DPP10: variants seen among roughly 807,000 people sequenced by gnomAD.
The protein encoded by DPP10 is dipeptidyl peptidase like 10, also known as inactive dipeptidyl peptidase 10.
In DPP10, 33 loss-of-function variants were observed where a neutral mutation model predicts 120.9. The ratio of observed to expected loss-of-function variants is 0.27; its 90% CI spans 0.21 to 0.37. DPP10 has a LOEUF of 0.37. DPP10 is among the 10% of genes least tolerant of loss of function. The probability of loss-of-function intolerance (pLI) is 1.00; values close to 1 mark genes in which losing one functional copy is unlikely to be tolerated. For missense variants in DPP10, 816 were observed against 942.8 expected (o/e 0.87, Z 1.76); for synonymous variants, 337 against 326.1 (o/e 1.03, Z -0.36).
At chr2:115,639,032 G>T (rs2086573760) in intron 5 of DPP10, among the ~76,000 whole-genome samples, 1 of 152,104 alleles carries the variant, frequency 6.6e-6, no homozygotes. Context: ...GTCTTTGGTG[G>T]CCACTACCAC....
intron 5 of DPP10, among the ~76,000 whole-genome samples, chr2:115,556,473 C>T (rs2080223458): frequency 6.7e-6 from 1 of 149,904 alleles, no homozygotes; most frequent in Admixed American, 6.8e-5. Flanking sequence ...AAATATTGGA[C>T]ATCCCTGGCC....
intron 1 of DPP10, among the ~76,000 whole-genome samples, chr2:114,730,178 G>A (rs760080481): frequency 6.6e-6 from 1 of 151,922 alleles, no homozygotes; most frequent in Non-Finnish European, 1.5e-5. Context: ...CACTTAAAAA[G>A]CATAAAGACT....
chr2:114,641,171 C>T (rs1490637609), intron 1 of DPP10, among the ~76,000 whole-genome samples: 1 of 151,952 alleles, frequency 6.6e-6, no homozygotes, highest in South Asian at 2.1e-4. Flanking sequence ...AAACATTTTT[C>T]TAAGTTCTTA....
chr2:115,027,134 T>C (rs1703520469), intron 1 of DPP10, among the ~76,000 whole-genome samples: 1 of 152,214 alleles, frequency 6.6e-6, no homozygotes, highest in Non-Finnish European at 1.5e-5. Context: ...TTGCTTTTTG[T>C]TGGCGTATAG....
At position 115,624,638 on chromosome 2, in the gene DPP10, A is replaced by G. The variant is rs1379510705; in HGVS notation, c.442-65049A>G. Among the ~76,000 whole-genome samples, 3 of 152,236 alleles carry G rather than the reference A, an allele frequency of 2.0e-5. 1 individual carries two copies. Among genetic ancestry groups the G allele is most frequent in the South Asian group, 4.1e-4 (2 of 4,838 alleles). On this transcript the variant is annotated intron_variant, in intron 5 of 25. Coordinates refer to ENST00000410059, the MANE Select transcript of DPP10 (RefSeq NM_020868.6). ...CTCAGATTCCTCAGCTGTATAATCAATGGAGTTAATAATACTTATTTCAGT... is the reference window on the plus strand; with the variant it reads ...CTCAGATTCCTCAGCTGTATAATCAGTGGAGTTAATAATACTTATTTCAGT...
intron 1 of DPP10, among the ~76,000 whole-genome samples, chr2:115,115,476 C>G (rs1214612059): frequency 6.6e-6 from 1 of 152,178 alleles, no homozygotes; most frequent in Non-Finnish European, 1.5e-5. Context: ...TCACTTGTCT[C>G]TATCTCTTTC....
At chr2:115,226,633 A>T (rs1242563795) in intron 1 of DPP10, among the ~76,000 whole-genome samples, 2 of 152,218 alleles carry the variant, frequency 1.3e-5, no homozygotes, top group Non-Finnish European at 2.9e-5. Flanking sequence ...TTAATACTTT[A>T]AAAATGACAC....
At chr2:114,551,168 C>T (rs1687855440) in intron 1 of DPP10, among the ~76,000 whole-genome samples, 1 of 152,144 alleles carries the variant, frequency 6.6e-6, no homozygotes, top group South Asian at 2.1e-4. Context: ...CCCACTTCTA[C>T]CATCACAATT....
At chr2:114,488,786 T>A (rs1373586802) in intron 1 of DPP10, among the ~76,000 whole-genome samples, 1 of 152,180 alleles carries the variant, frequency 6.6e-6, no homozygotes, top group African/African-American at 2.4e-5. Context: ...GAAGGTCCTT[T>A]CCAAAGTCCA....
intron 1 of DPP10, among the ~76,000 whole-genome samples, chr2:114,563,549 A>G (rs1243996492): frequency 6.6e-6 from 1 of 152,166 alleles, no homozygotes; most frequent in East Asian, 1.9e-4. Context: ...TATCATTGAA[A>G]AATAATTCTT....
intron 1 of DPP10, among the ~76,000 whole-genome samples, chr2:115,282,234 A>T (rs1403009214): frequency 6.6e-6 from 1 of 152,074 alleles, no homozygotes; most frequent in Non-Finnish European, 1.5e-5. Flanking sequence ...CATAATAGTT[A>T]TGTCTCACTT....
intron 3 of DPP10, among the ~76,000 whole-genome samples, chr2:115,498,503 A>G (rs534712183): frequency 8.1e-4 from 123 of 152,008 alleles, no homozygotes; most frequent in Middle Eastern, 3.4e-3. Context: ...ATACACATTC[A>G]TTCACTATAA....
intron 5 of DPP10, among the ~76,000 whole-genome samples, chr2:115,587,183 C>T (rs528659914): frequency 6.7e-5 from 10 of 148,928 alleles, no homozygotes; most frequent in South Asian, 2.1e-4. Flanking sequence ...CTGCAAGCTC[C>T]GCCTCCCGGG....
At chr2:114,969,438 A>T (rs1220286355) in intron 1 of DPP10, among the ~76,000 whole-genome samples, 2 of 152,160 alleles carry the variant, frequency 1.3e-5, no homozygotes, top group Non-Finnish European at 2.9e-5. Flanking sequence ...TATATCAGGA[A>T]ATATATATAT....
chr2:114,802,920 A>G (rs1172773662), intron 1 of DPP10, among the ~76,000 whole-genome samples: 5 of 152,236 alleles, frequency 3.3e-5, no homozygotes, highest in Non-Finnish European at 7.3e-5. Flanking sequence ...AAACTATGAT[A>G]GCTCTTAACC....
intron 1 of DPP10, among the ~76,000 whole-genome samples, chr2:114,709,415 C>T (rs1700884940): frequency 6.6e-6 from 1 of 152,154 alleles, no homozygotes; most frequent in Admixed American, 6.5e-5. Flanking sequence ...TCTTAATTCC[C>T]TGTGTAAAAA....
intron 1 of DPP10, chr2:114,833,466 A>G (rs1404913849): frequency 6.6e-6 from 1 of 152,198 alleles, no homozygotes; most frequent in Non-Finnish European, 1.5e-5. Flanking sequence ...TAGCCATCAG[A>G]CCAAAAATAA....
intron 5 of DPP10, among the ~76,000 whole-genome samples, chr2:115,688,820 G>A (rs2091151953): frequency 6.6e-6 from 1 of 152,028 alleles, no homozygotes; most frequent in African/African-American, 2.4e-5. Flanking sequence ...AAAAAAATGG[G>A]GATTTTTAGA....
intron 5 of DPP10, among the ~76,000 whole-genome samples, chr2:115,672,211 C>T (rs1476585309): frequency 6.6e-6 from 1 of 152,006 alleles, no homozygotes; most frequent in Non-Finnish European, 1.5e-5. Flanking sequence ...TTTTGAGGTG[C>T]TCTTGAAGTG....
Sources: gnomAD v4.1 joint callset for allele counts (sites outside exome capture counted in the v4.1 genomes callset) on GRCh38, gnomAD v4.1.1 for gene constraint, MANE v1.5 for transcripts, NCBI Gene and HGNC (gene_info 2026-07-23, HGNC 2026-07-21) for gene names.